CCDC138: variants seen among roughly 807,000 people sequenced by gnomAD.
CCDC138 encodes the protein coiled-coil domain-containing protein 138.
A neutral mutation model predicts 82.3 loss-of-function variants in CCDC138; 66 were observed. The observed-to-expected ratio is 0.80, with a 90% CI of 0.66 to 0.98. The LOEUF is 0.98. CCDC138 is among the 50% of genes least tolerant of loss of function. The probability of loss-of-function intolerance (pLI) is 0.00; values close to 1 mark genes in which losing one functional copy is unlikely to be tolerated. For missense variants in CCDC138, 816 were observed against 758.9 expected, an observed-to-expected ratio of 1.08 and a Z score of -0.88; for synonymous variants, 297 against 265.4, an observed-to-expected ratio of 1.12 and a Z score of -1.16.
intron 13 of CCDC138, among the ~76,000 whole-genome samples, chr2:108,857,916 A>G (rs1692894339): frequency 6.6e-6 from 1 of 152,250 alleles, no homozygotes; most frequent in Non-Finnish European, 1.5e-5. Context: ...TCAAAGGAAA[A>G]CAAAATATAA....
chr2:108,803,197 G>A (rs939164980), intron 6 of CCDC138, among the ~76,000 whole-genome samples: 6 of 152,194 alleles, frequency 3.9e-5, no homozygotes, highest in African/African-American at 1.4e-4. Context: ...CATTCTCCAA[G>A]CGTTTGCTCT....
intron 3 of CCDC138, 101 bp downstream of exon 3, chr2:108,789,067 A>G: frequency 8.3e-7 from 1 of 1,206,720 alleles, no homozygotes. Context: ...CCTGAGGACA[A>G]GTATGAGGAC....
chr2:108,809,487 T>A lies in CCDC138; in HGVS notation c.856-3144T>A, dbSNP rs76327257. Among the ~76,000 whole-genome samples, 883 of 143,010 alleles carry A rather than the reference T, an allele frequency of 6.2e-3. 9 individuals carry two copies. Among genetic ancestry groups the A allele is most frequent in the African/African-American group, 0.021 (835 of 39,688 alleles). The allele number at this position is 143,010 out of a possible 152,430, so 93.8% of individuals were successfully genotyped here. A position where few individuals can be genotyped will look rare whatever the true frequency, so the allele number is the denominator to read the frequency against. On this transcript the variant is annotated intron_variant, in intron 7 of 14. Transcript: ENST00000295124. ...GTGTGTGTGTGTGTGTGTGTGTGTG[T>A]GATCTTCAGTTTCATTCATCAGTGT...
In CCDC138 at chr2:108,839,293, G is replaced by A; in HGVS notation, c.1315G>A (p.Gly439Arg). 6.2e-7 allele frequency: 1 copy of A among 1,609,486 alleles called. No homozygotes were observed. Among genetic ancestry groups the A allele is most frequent in the Non-Finnish European group, 8.5e-7 (1 of 1,178,058 alleles). Residue 439 changes from glycine to arginine, a missense_variant, in exon 11 of 15, where the codon GGA (glycine) becomes AGA (arginine). Transcript: ENST00000295124. ...TTGGTCCCTAAGGCAGCTAGATGCT[G>A]GAGCACAGGTAATTGGTTAATAGGA... is the stretch of plus-strand genomic sequence containing the variant. The part of the protein sequence containing the change: ...IYWSLRQLDA[G>R]AQHSTMTSTL...
chr2:108,818,034 G>A (rs1014277322), intron 10 of CCDC138, among the ~76,000 whole-genome samples: 11 of 152,290 alleles, frequency 7.2e-5, no homozygotes, highest in East Asian at 5.8e-4. Context: ...GGCTGGGCAC[G>A]GTGGCTCATA....
chr2:108,877,668 T>C (rs978970185), downstream of CCDC138, among the ~76,000 whole-genome samples: 14 of 152,262 alleles, frequency 9.2e-5, no homozygotes, highest in Admixed American at 2.0e-4. Context: ...TGGCAGCATT[T>C]GGTGTCTCTG....
chr2:108,882,315 C>T (rs1055309522), intron 1 of CCDC138: 1 of 152,028 alleles, frequency 6.6e-6, no homozygotes, highest in African/African-American at 2.4e-5. Flanking sequence ...GCAGGGTTGC[C>T]ACAAATCTTC....
chr2:108,839,415 CCTAT>C, intron 11 of CCDC138, 114 bp downstream of exon 11: 1 of 848,398 alleles, frequency 1.2e-6, no homozygotes, highest in South Asian at 2.4e-5. Context: ...AATAATCTTC[CCTAT>C]CTATGTCTTG....
rs1311081344 is a variant in CCDC138 at position 108,848,532 on chromosome 2, T to G, written c.1516+1602T>G. ...TTAAATGTCAGAAATAAAGAACTTTTATTCTTCCTGCCTATGAAGACGAAG... is the reference window on the plus strand; with the variant it reads ...TTAAATGTCAGAAATAAAGAACTTTGATTCTTCCTGCCTATGAAGACGAAG... On this transcript the variant is annotated intron_variant, in intron 12 of 14. Coordinates refer to ENST00000295124, the MANE Select transcript of CCDC138 (RefSeq NM_144978.3). Among the ~76,000 whole-genome samples, 7 of 152,220 alleles carry G rather than the reference T, an allele frequency of 4.6e-5. No individual in the cohort carries two copies. In the East Asian group the frequency reaches 1.3e-3, roughly 29 times the overall value.
chr2:108,811,717 A>C (rs1161400387), intron 7 of CCDC138, among the ~76,000 whole-genome samples: 5 of 152,182 alleles, frequency 3.3e-5, no homozygotes, highest in African/African-American at 7.2e-5. Flanking sequence ...TCTTCACTCA[A>C]ATAGTGAACA....
At chr2:108,860,555 A>C (rs970427151) in intron 13 of CCDC138, among the ~76,000 whole-genome samples, 16 of 150,792 alleles carry the variant, frequency 1.1e-4, no homozygotes, top group Admixed American at 7.3e-4. Context: ...ATTTTATCTC[A>C]TGTTTTTTCT....
chr2:108,875,266 A>G (rs1398035690), intron 14 of CCDC138, among the ~76,000 whole-genome samples: 1 of 151,676 alleles, frequency 6.6e-6, no homozygotes, highest in Non-Finnish European at 1.5e-5. Context: ...ACACGTATAC[A>G]TATGTAACTA....
At chr2:108,809,109 G>A (rs765737197) in intron 7 of CCDC138, among the ~76,000 whole-genome samples, 8 of 152,098 alleles carry the variant, frequency 5.3e-5, no homozygotes, top group Non-Finnish European at 7.4e-5. Flanking sequence ...CACCTTTGTA[G>A]AAAATCAGTT....
intron 13 of CCDC138, among the ~76,000 whole-genome samples, chr2:108,860,009 A>G (rs1418309468): frequency 6.6e-6 from 1 of 151,976 alleles, no homozygotes; most frequent in Non-Finnish European, 1.5e-5. Flanking sequence ...CCTTGTAGAG[A>G]TATTTCACCT....
At chr2:108,832,599 T>C (rs1049839768) in intron 10 of CCDC138, among the ~76,000 whole-genome samples, 5 of 152,176 alleles carry the variant, frequency 3.3e-5, no homozygotes, top group African/African-American at 9.6e-5. Context: ...ATTTCCAACA[T>C]GTTCCCAAGT....
intron 7 of CCDC138, 29 bp downstream of exon 7, chr2:108,805,037 A>G (rs1378457590): frequency 1.7e-6 from 2 of 1,211,788 alleles, no homozygotes; most frequent in African/African-American, 1.6e-5. Flanking sequence ...TATACTGAAC[A>G]TAAGACATTC....
chr2:108,800,524 C>G (rs1297854781), intron 6 of CCDC138, among the ~76,000 whole-genome samples: 1 of 151,702 alleles, frequency 6.6e-6, no homozygotes, highest in Non-Finnish European at 1.5e-5. Context: ...CTCGCCCTCC[C>G]AAAGTGCTGG....
intron 12 of CCDC138, among the ~76,000 whole-genome samples, chr2:108,854,067 T>A (rs10197072): frequency 8.2e-6 from 1 of 121,354 alleles, no homozygotes; most frequent in Non-Finnish European, 1.6e-5. Flanking sequence ...TATATATATT[T>A]TATATATAAT....
chr2:108,851,899 A>G (rs1001927391), intron 12 of CCDC138, among the ~76,000 whole-genome samples: 3 of 152,186 alleles, frequency 2.0e-5, no homozygotes, highest in Admixed American at 6.5e-5. Flanking sequence ...TTATCCTCAT[A>G]TTAGTGATGA....
Sources: allele counts gnomAD v4.1 joint callset (sites outside exome capture counted in the v4.1 genomes callset), GRCh38; gene constraint gnomAD v4.1.1; transcripts MANE v1.5; gene names NCBI Gene and HGNC (gene_info 2026-07-23, HGNC 2026-07-21).